The following APOL1 variants were observed in gnomAD, a reference collection of about 807,000 sequenced individuals.
APOL1 encodes apolipoprotein L1, also known as apolipoprotein L 1.
In APOL1, 17 loss-of-function variants were observed where a neutral mutation model predicts 14.9. The ratio of observed to expected loss-of-function variants is 1.14; its 90% confidence interval spans 0.78 to 1.71. APOL1 has a LOEUF of 1.71. Among genes scored for constraint, APOL1 ranks in the 40% most tolerant of loss-of-function variants. The pLI is 0.00. For synonymous variants in APOL1, 195 were observed against 184.8 expected (o/e 1.05, Z -0.45); for missense variants, 523 against 485.9 (o/e 1.08, Z -0.72).
At position 36,266,321 on chromosome 22, in the gene APOL1, C is replaced by T; in HGVS notation, c.*288C>T. The T allele has an allele frequency of 2.4e-6, 1 of 416,876 alleles. No individual in the cohort carries two copies. The highest frequency in any genetic ancestry group is 6.5e-5 in the South Asian group (1 of 15,282). 25.8% of individuals were successfully genotyped at this position (416,876 alleles called of 1,614,324 possible). Reference sequence around the variant, plus strand: ...GGCCAGGATGGTCTCGATCTCCTGACCTCTTGATCTGCCCACCTTGGCCTC... The same window carrying T: ...GGCCAGGATGGTCTCGATCTCCTGATCTCTTGATCTGCCCACCTTGGCCTC... On this transcript the variant is annotated 3_prime_UTR_variant, in exon 6 of 6. Coordinates refer to ENST00000397278, the MANE Select transcript of APOL1 (RefSeq NM_003661.4).
In APOL1 at chr22:36,266,468, C is replaced by T. The variant is rs557809907; in HGVS notation, c.*435C>T. 4.4e-5 allele frequency: 18 copies of T among 405,042 alleles called. No homozygotes were observed. Among genetic ancestry groups the T allele is most frequent in the African/African-American group, 2.9e-4 (14 of 48,716 alleles). 25.1% of individuals were successfully genotyped at this position (405,042 alleles called of 1,614,324 possible). A position where few individuals can be genotyped will look rare whatever the true frequency, so the allele number is the denominator to read the frequency against. On this transcript the variant is annotated 3_prime_UTR_variant, in exon 6 of 6. Transcript: ENST00000397278. The stretch of plus-strand genomic sequence containing the variant: ...CTGAGTGTTAGGGACTTTGGCATTT[C>T]CATAGCTGAGCACAGCAGGGGAGGG...
rs66473469 is a variant in APOL1 at position 36,266,608 on chromosome 22, A to C, written c.*575A>C. The C allele has an allele frequency of 0.06, 23,911 of 398,096 alleles. 962 individuals are homozygous for C. The highest frequency in any genetic ancestry group is 0.12 in the Middle Eastern group (196 of 1,584). 24.7% of individuals were successfully genotyped at this position (398,096 alleles called of 1,614,324 possible). On this transcript the variant is annotated 3_prime_UTR_variant, in exon 6 of 6. Coordinates refer to ENST00000397278, the MANE Select transcript of APOL1 (RefSeq NM_003661.4). The stretch of plus-strand genomic sequence containing the variant: ...GGGAAGAAGCAGTTTACTTTAGACT[A>C]AAGAATATATTGGGGGGCCGGGTGT...
At chr22:36,261,970 C>G (rs905746322) in intron 5 of APOL1, among the ~76,000 whole-genome samples, 3 of 152,250 alleles carry the variant, frequency 2.0e-5, no homozygotes, top group Admixed American at 2.0e-4. Flanking sequence ...GTGATGGGAA[C>G]TTTGCCAGTT....
intron 1 of APOL1, 176 bp from the exon 2 acceptor site, chr22:36,254,761 G>A: frequency 1.5e-6 from 1 of 688,294 alleles, no homozygotes. Flanking sequence ...TACTCGGGAG[G>A]CTGAGGCAGG....
intron 4 of APOL1, among the ~76,000 whole-genome samples, chr22:36,258,427 T>A (rs997213061): frequency 6.6e-6 from 1 of 152,206 alleles, no homozygotes; most frequent in African/African-American, 2.4e-5. Context: ...GGACATTATT[T>A]GATTGGTTGC....
chr22:36,264,462 A>C (rs136166), intron 5 of APOL1, among the ~76,000 whole-genome samples: 122,455 of 147,960 alleles, frequency 0.83, 50,640 homozygotes, highest in African/African-American at 0.89. Context: ...CTTTCCTGCC[A>C]TCCTGGGAAT....
intron 5 of APOL1, 81 bp downstream of exon 5, chr22:36,261,803 C>A: frequency 6.6e-7 from 1 of 1,515,756 alleles, no homozygotes; most frequent in Non-Finnish European, 9.0e-7. Flanking sequence ...CCCTGACAGG[C>A]ACACCTCCTC....
chr22:36,258,566 C>G (rs2015968378), intron 4 of APOL1, among the ~76,000 whole-genome samples: 2 of 152,054 alleles, frequency 1.3e-5, no homozygotes, highest in South Asian at 4.1e-4. Context: ...GTTTTTGATG[C>G]TGAAGAGAGA....
chr22:36,265,642 C>T lies in APOL1; in HGVS notation c.806C>T (p.Ala269Val). 1 of 1,596,424 alleles carries T rather than the reference C, an allele frequency of 6.3e-7. No individual in the cohort carries two copies. Among genetic ancestry groups the T allele is most frequent in the Non-Finnish European group, 8.5e-7 (1 of 1,171,468 alleles). ...AACATATCCAACTTTCTTTCCTTAG[C>T]TGGCAATACTTACCAACTCACACGA... ...GENISNFLSL[A>V]GNTYQLTRGI... is the part of the protein sequence containing the mutation. The change falls in exon 6 of 6, where the codon GCT becomes GTT. Residue 269 changes from alanine to valine, a missense_variant. Coordinates refer to ENST00000397278, the MANE Select transcript of APOL1 (RefSeq NM_003661.4).
Position 36,254,945 on chromosome 22 carries a change from C to T in APOL1, c.-11C>T. The T allele has an allele frequency of 6.2e-7, 1 of 1,614,058 alleles. No individual in the cohort carries two copies. Among genetic ancestry groups the T allele is most frequent in the Non-Finnish European group, 8.5e-7 (1 of 1,179,910 alleles). On this transcript the variant is annotated 5_prime_UTR_variant, in exon 2 of 6. Transcript: ENST00000397278. ...CTCTTTTCCTGCTCAAGGAGGAGGC[C>T]CTGCAGCGACATGGAGGGAGCTGCT...
At chr22:36,259,762 G>C in intron 4 of APOL1, 3 of 1,304,296 alleles carry the variant, frequency 2.3e-6, no homozygotes, top group South Asian at 2.5e-5. Flanking sequence ...TCAAGGATCA[G>C]TGCTGAGGGT....
At chr22:36,261,105 A>G (rs539366365) in intron 4 of APOL1, among the ~76,000 whole-genome samples, 12 of 152,306 alleles carry the variant, frequency 7.9e-5, no homozygotes, top group East Asian at 7.7e-4. Context: ...TGGTGTTTCA[A>G]TGTTCTCAGG....
intron 5 of APOL1, 24 bp downstream of exon 5, chr22:36,261,746 A>G (rs1351855575): frequency 6.2e-7 from 1 of 1,603,464 alleles, no homozygotes; most frequent in East Asian, 2.2e-5. Context: ...GGTTACCTCC[A>G]TTGGGCACTC....
In APOL1 at chr22:36,261,643, G is replaced by C. The variant is rs761706641; in HGVS notation, c.235G>C (p.Val79Leu). The change falls in exon 5 of 6, where the codon GTG becomes CTG. Residue 79 changes from valine to leucine, a missense_variant. Val to Leu is a conservative substitution (Grantham distance 32, BLOSUM62 1). Coordinates refer to ENST00000397278, the MANE Select transcript of APOL1 (RefSeq NM_003661.4). Reference protein sequence around the residue: ...EDAIKYFKEKVSTQNLLLLLT... With the variant: ...EDAIKYFKEKLSTQNLLLLLT... The stretch of plus-strand genomic sequence containing the variant: ...TGCCATTAAGTATTTCAAGGAAAAA[G>C]TGAGCACACAGAATCTGCTACTCCT... The C allele has an allele frequency of 6.2e-7, 1 of 1,614,000 alleles. No individual in the cohort carries two copies. The highest frequency in any genetic ancestry group is 8.5e-7 in the Non-Finnish European group (1 of 1,179,918).
rs547619972 is a variant in APOL1 at position 36,266,711 on chromosome 22, C to G, written c.*678C>G. 8.6e-6 allele frequency: 3 copies of G among 350,506 alleles called. No homozygotes were observed. The highest frequency in any genetic ancestry group is 1.4e-4 in the South Asian group (1 of 6,912). 21.7% of individuals were successfully genotyped at this position (350,506 alleles called of 1,614,324 possible). ...ACGAGGTCAGGAGATCGAGACCATCCTGGCTAACACAGTGAAACCCCGTCT... is the reference window on the plus strand; with the variant it reads ...ACGAGGTCAGGAGATCGAGACCATCGTGGCTAACACAGTGAAACCCCGTCT... On this transcript the variant is annotated 3_prime_UTR_variant, in exon 6 of 6. Coordinates refer to ENST00000397278, the MANE Select transcript of APOL1 (RefSeq NM_003661.4).
rs201375679 is a variant in APOL1, at chr22:36,265,499, C to T, written c.663C>T (p.Thr221=). Residue 221 remains threonine (T), a synonymous_variant, in exon 6 of 6, where the codon ACC becomes ACT. Coordinates refer to ENST00000397278, the MANE Select transcript of APOL1 (RefSeq NM_003661.4). The part of the protein sequence containing the change: ...GMELGITAAL[T]GITSSTMDYG... ...AGTTGGGAATCACAGCCGCTTTGACCGGGATTACCAGCAGTACCATGGACT... is the reference window on the plus strand; with the variant it reads ...AGTTGGGAATCACAGCCGCTTTGACTGGGATTACCAGCAGTACCATGGACT... The T allele has an allele frequency of 3.7e-5, 59 of 1,613,904 alleles. No individual in the cohort carries two copies. The highest frequency in any genetic ancestry group is 8.0e-5 in the African/African-American group (6 of 74,978).
chr22:36,261,591 A>G lies in APOL1; in HGVS notation c.188-5A>G, dbSNP rs758725190. The G allele has an allele frequency of 2.5e-6, 4 of 1,612,598 alleles. No individual in the cohort carries two copies. The highest frequency in any genetic ancestry group is 1.7e-5 in the Admixed American group (1 of 59,976). The stretch of plus-strand genomic sequence containing the variant: ...CCAACCTTATCCTTTCTTCTTTCCA[A>G]CTAGAGAGCAGTATCTTTATTGAGG... On this transcript the variant is annotated splice_region_variant and splice_polypyrimidine_tract_variant and intron_variant, in intron 4 of 5. Transcript: ENST00000397278.
intron 5 of APOL1, 94 bp downstream of exon 5, chr22:36,261,816 G>C (rs2016085949): frequency 6.8e-7 from 1 of 1,468,356 alleles, no homozygotes; most frequent in Admixed American, 2.0e-5. Context: ...ACCTCCTCCA[G>C]GCAGCCCCCT....
chr22:36,255,812 G>A (rs947434402), intron 2 of APOL1, among the ~76,000 whole-genome samples: 3 of 150,740 alleles, frequency 2.0e-5, no homozygotes, highest in African/African-American at 4.9e-5. Flanking sequence ...GCTTGGAGCC[G>A]CCCCTAACTG....
Sources: allele counts gnomAD v4.1 joint callset (sites outside exome capture counted in the v4.1 genomes callset), GRCh38; gene constraint gnomAD v4.1.1; transcripts MANE v1.5; gene names NCBI Gene and HGNC (gene_info 2026-07-23, HGNC 2026-07-21).